SMG6: variants seen among roughly 807,000 people sequenced by gnomAD.
The protein encoded by SMG6 is telomerase-binding protein EST1A.
Under a neutral mutation model 142.2 loss-of-function variants are expected in SMG6, and 66 were observed. The observed-to-expected ratio is 0.46, with a 90% CI of 0.38 to 0.57. The LOEUF is 0.57. Ranked by LOEUF, SMG6 falls within the 20% of genes least tolerant of loss-of-function variation. The pLI, the probability that SMG6 is intolerant of heterozygous loss-of-function variation, is 0.00. For synonymous variants in SMG6, 779 were observed against 702.4 expected (o/e 1.11, Z -1.72); for missense variants, 1,793 against 1,832.0 (o/e 0.98, Z 0.39).
chr17:2,085,596 G>C lies in SMG6; in HGVS notation c.3534+129C>G. 1.1e-6 allele frequency: 1 copy of C among 944,108 alleles called. No individual in the cohort carries two copies. Among genetic ancestry groups the C allele is most frequent in the Non-Finnish European group, 1.6e-6 (1 of 625,406 alleles). The allele number at this position is 944,108 out of a possible 1,614,324, so 58.5% of individuals were successfully genotyped here. ...CACCATCAGAGCACACTCTCGAGAAGCTGGCTGGTCACATTAACACAGACG... is the reference window on the plus strand; with the variant it reads ...CACCATCAGAGCACACTCTCGAGAACCTGGCTGGTCACATTAACACAGACG... On this transcript the variant is annotated intron_variant, in intron 14 of 18. Coordinates refer to ENST00000263073, the MANE Select transcript of SMG6 (RefSeq NM_017575.5). This position sits in a 1 kb window ranked among gnomAD's most constrained non-coding sequence, Gnocchi z 4.1.
intron 10 of SMG6, among the ~76,000 whole-genome samples, chr17:2,212,129 C>G (rs571082184): frequency 2.5e-4 from 38 of 152,318 alleles, no homozygotes; most frequent in Admixed American, 8.5e-4. Flanking sequence ...GTTTACTGCA[C>G]TGGAAAAGGT....
intron 13 of SMG6, among the ~76,000 whole-genome samples, chr17:2,167,021 G>T (rs8066635): frequency 1.5e-4 from 23 of 151,548 alleles, no homozygotes; most frequent in African/African-American, 5.3e-4. Flanking sequence ...TCCCAGCTAC[G>T]CGGGGGGCTG....
chr17:2,200,952 G>A (rs1283705049), intron 10 of SMG6, among the ~76,000 whole-genome samples: 1 of 152,118 alleles, frequency 6.6e-6, no homozygotes, highest in Non-Finnish European at 1.5e-5. Context: ...TTAATTGGCA[G>A]CATCAACTGC....
chr17:2,283,886 G>A (rs936427553), intron 6 of SMG6, 151 bp from the exon 7 acceptor site: 2 of 630,326 alleles, frequency 3.2e-6, no homozygotes, highest in African/African-American at 3.6e-5. Context: ...CTATCCACAG[G>A]AGAAGCCATT....
intron 13 of SMG6, among the ~76,000 whole-genome samples, chr17:2,114,038 C>A (rs2069422116): frequency 6.6e-6 from 1 of 152,162 alleles, no homozygotes; most frequent in African/African-American, 2.4e-5. Context: ...GAGGCCGAGG[C>A]AGGCGGATCA....
At chr17:2,075,478 C>A (rs1330368201) in intron 15 of SMG6, among the ~76,000 whole-genome samples, 1 of 152,206 alleles carries the variant, frequency 6.6e-6, no homozygotes, top group Non-Finnish European at 1.5e-5. Context: ...GGAAACCTGA[C>A]CCCGCCCGAC....
chr17:2,288,078 C>G (rs1171220114), intron 6 of SMG6, among the ~76,000 whole-genome samples: 1 of 152,036 alleles, frequency 6.6e-6, no homozygotes, highest in African/African-American at 2.4e-5. Flanking sequence ...CTTTCGGAGG[C>G]CAAGGTGGGT....
intron 8 of SMG6, among the ~76,000 whole-genome samples, chr17:2,251,040 C>CTTGT (rs1375477214): frequency 3.9e-5 from 6 of 152,010 alleles, no homozygotes; most frequent in Admixed American, 2.0e-4. Context: ...ATTTATGCTC[C>CTTGT]CACACCTAAG....
intron 6 of SMG6, among the ~76,000 whole-genome samples, chr17:2,285,886 C>G (rs888886262): frequency 2.0e-5 from 3 of 151,992 alleles, no homozygotes; most frequent in Non-Finnish European, 4.4e-5. Context: ...GTTAGCCAGG[C>G]TGGTCTGGAA....
At chr17:2,096,232 CT>C (rs1357836764) in intron 13 of SMG6, among the ~76,000 whole-genome samples, 1 of 152,102 alleles carries the variant, frequency 6.6e-6, no homozygotes, top group Non-Finnish European at 1.5e-5. Flanking sequence ...GAGACAGAGT[CT>C]CACTGTATCG....
chr17:2,133,250 A>G (rs772438925), intron 13 of SMG6, among the ~76,000 whole-genome samples: 33 of 151,280 alleles, frequency 2.2e-4, no homozygotes, highest in South Asian at 4.2e-4. Context: ...TCTGGGGGGG[A>G]AAAAAAAGTT....
chr17:2,104,220 G>A (rs2069092573), intron 13 of SMG6, among the ~76,000 whole-genome samples: 1 of 151,904 alleles, frequency 6.6e-6, no homozygotes, highest in Non-Finnish European at 1.5e-5. Context: ...CAAAGTGCTG[G>A]GATTACAGGC....
intron 8 of SMG6, chr17:2,255,903 G>A (rs2074166170): frequency 4.3e-6 from 1 of 232,746 alleles, no homozygotes; most frequent in Non-Finnish European, 8.4e-6. Flanking sequence ...TGTGCTCTCT[G>A]AAACATGTGC....
intron 13 of SMG6, chr17:2,086,974 G>C: frequency 2.3e-6 from 3 of 1,280,790 alleles, no homozygotes; most frequent in Non-Finnish European, 3.1e-6. Context: ...CATCCTCACT[G>C]ACTAGCCCCT....
At chr17:2,252,464 T>C (rs925432171) in intron 8 of SMG6, among the ~76,000 whole-genome samples, 10 of 152,124 alleles carry the variant, frequency 6.6e-5, no homozygotes, top group Non-Finnish European at 8.8e-5. Context: ...TTACTGCTCA[T>C]GTGTTTACTG....
At position 2,085,825 on chromosome 17, in the gene SMG6, A is replaced by G; in HGVS notation, c.3434T>C (p.Leu1145Pro). ...ATACTTTCCACCCTTGAATGCCAGC[A>G]GAGGCTCTTCTTGTCCACAAAGGGC... ...LEALCGQEEP[L>P]LAFKGGKYVS... Residue 1145 changes from leucine to proline, a missense_variant, in exon 14 of 19, where the codon CTG becomes CCG. This residue lies in a region of SMG6 where 1,597 missense variants were observed against 1,584.6 expected (regional missense o/e 1.01). Transcript: ENST00000263073. The surrounding 1 kb of genome is among the most constrained non-coding windows in gnomAD (Gnocchi z 4.1). 6.2e-7 allele frequency: 1 copy of G among 1,614,228 alleles called. No individual in the cohort carries two copies. The highest frequency in any genetic ancestry group is 8.5e-7 in the Non-Finnish European group (1 of 1,180,028).
At chr17:2,181,565 G>A (rs2151674514) in intron 12 of SMG6, among the ~76,000 whole-genome samples, 1 of 152,380 alleles carries the variant, frequency 6.6e-6, no homozygotes, top group South Asian at 2.1e-4. Flanking sequence ...CACAGCTACG[G>A]TAACGTATTT....
In SMG6 at chr17:2,085,347, C is replaced by T. The variant is rs1203240542; in HGVS notation, c.3534+378G>A. Among the ~76,000 whole-genome samples, 2 of 152,164 alleles carry T rather than the reference C, an allele frequency of 1.3e-5. No homozygotes were observed. The highest frequency in any genetic ancestry group is 2.9e-5 in the Non-Finnish European group (2 of 68,034). ...GCCAGCAATGTCAGCTCTTCCTGTA[C>T]GTGTGCTGGAGGCTGGAGTTCAGGC... is the stretch of plus-strand genomic sequence containing the variant. On this transcript the variant is annotated intron_variant, in intron 14 of 18. Transcript: ENST00000263073. The surrounding 1 kb of genome is among the most constrained non-coding windows in gnomAD (Gnocchi z 4.1).
chr17:2,130,359 C>T (rs545287885), intron 13 of SMG6, among the ~76,000 whole-genome samples: 10 of 150,370 alleles, frequency 6.7e-5, no homozygotes, highest in African/African-American at 1.7e-4. Flanking sequence ...AAAATCTGTG[C>T]GAGGGTTTTA....
Sources: allele counts gnomAD v4.1 joint callset (sites outside exome capture counted in the v4.1 genomes callset), GRCh38; gene constraint gnomAD v4.1.1; regional missense constraint gnomAD v4.1.1; non-coding constraint Gnocchi (gnomAD v3.1); transcripts MANE v1.5; gene names NCBI Gene and HGNC (gene_info 2026-07-23, HGNC 2026-07-21).